Variants in SOX6 observed in about 807,000 individuals in gnomAD.
SOX6 encodes SRY-box transcription factor 6, also known as transcription factor SOX-6.
A neutral mutation model predicts 97.8 loss-of-function variants in SOX6; 11 were observed. The ratio of observed to expected loss-of-function variants is 0.11; its 90% CI spans 0.07 to 0.19. SOX6 has a LOEUF of 0.19. Ranked by LOEUF, SOX6 falls within the 10% of genes least tolerant of loss-of-function variation. The pLI is 1.00. For synonymous variants in SOX6, 360 were observed against 371.4 expected, an observed-to-expected ratio of 0.97 and a Z score of 0.35; for missense variants, 810 against 1,039.5, an observed-to-expected ratio of 0.78 and a Z score of 3.04.
intron 6 of SOX6, among the ~76,000 whole-genome samples, chr11:16,132,468 G>GAAAT (rs1849834891): frequency 7.0e-6 from 1 of 141,976 alleles, no homozygotes; most frequent in Non-Finnish European, 1.5e-5. Context: ...AAGAAAGAAA[G>GAAAT]AAAGAAAGAA....
chr11:16,225,917 TGA>T (rs1852674500), intron 4 of SOX6, among the ~76,000 whole-genome samples: 1 of 152,200 alleles, frequency 6.6e-6, no homozygotes, highest in Non-Finnish European at 1.5e-5. Flanking sequence ...TTGTACTATT[TGA>T]TGTATGCAGT....
At chr11:16,292,205 G>T (rs534784417) in intron 3 of SOX6, among the ~76,000 whole-genome samples, 1 of 152,204 alleles carries the variant, frequency 6.6e-6, no homozygotes, top group South Asian at 2.1e-4. Flanking sequence ...AAGAAGAACT[G>T]AAAGTATATT....
At chr11:16,461,789 C>A (rs1859934470) in intron 1 of SOX6, among the ~76,000 whole-genome samples, 1 of 152,162 alleles carries the variant, frequency 6.6e-6, no homozygotes, top group South Asian at 2.1e-4. Flanking sequence ...ATTCCATCTC[C>A]TCTCTTCTGT....
chr11:16,520,854 G>A (rs559599458), intron 4 of SOX6, among the ~76,000 whole-genome samples: 9 of 152,214 alleles, frequency 5.9e-5, no homozygotes, highest in Non-Finnish European at 1.2e-4. Context: ...AGGGTTCTAC[G>A]CCCACGGAGT....
chr11:16,580,160 T>C (rs1310328501), intron 4 of SOX6, among the ~76,000 whole-genome samples: 2 of 152,150 alleles, frequency 1.3e-5, no homozygotes, highest in Non-Finnish European at 2.9e-5. Context: ...CACAAACCTA[T>C]GGAATCTGAA....
chr11:16,496,599 A>G (rs2133137039), intron 4 of SOX6, among the ~76,000 whole-genome samples: 2 of 152,324 alleles, frequency 1.3e-5, no homozygotes, highest in Non-Finnish European at 2.9e-5. Flanking sequence ...CAACACCTGG[A>G]AAATTGGGTC....
intron 13 of SOX6, among the ~76,000 whole-genome samples, chr11:16,008,777 T>C (rs1204722995): frequency 6.6e-6 from 1 of 152,096 alleles, no homozygotes. Context: ...TATAAACTGG[T>C]GCACAGGATC....
intron 3 of SOX6, among the ~76,000 whole-genome samples, chr11:16,709,879 G>T (rs1590060181): frequency 6.6e-6 from 1 of 152,248 alleles, no homozygotes; most frequent in Non-Finnish European, 1.5e-5. Flanking sequence ...TCCAAAGAAT[G>T]AATATCTCAC....
rs139740169 is a variant in SOX6 at position 16,561,653 on chromosome 11, A to G, written n.609+50428T>C. Among the ~76,000 whole-genome samples the G allele has an allele frequency of 1.3e-3, 193 of 152,296 alleles. 3 individuals are homozygous for G. The highest frequency in any genetic ancestry group is 0.012 in the Admixed American group (176 of 15,280). The stretch of plus-strand genomic sequence containing the variant: ...TTATAGTTTATGGCAGGAGTTTTCA[A>G]TGTATGGTCATGAAACCTCCAGGGG... On this transcript the variant is annotated intron_variant and non_coding_transcript_variant, in intron 4 of 5. Coordinates refer to the SOX6 transcript ENST00000524520.
chr11:16,103,983 A>T (rs1849013297), intron 7 of SOX6, among the ~76,000 whole-genome samples: 1 of 150,276 alleles, frequency 6.7e-6, no homozygotes, highest in South Asian at 2.1e-4. Flanking sequence ...ACATTCAAAA[A>T]ATAAAACAAA....
intron 1 of SOX6, chr11:16,434,213 T>C (rs1859328269): frequency 6.6e-6 from 1 of 152,076 alleles, no homozygotes; most frequent in Non-Finnish European, 1.5e-5. Flanking sequence ...CTCTCAGTCA[T>C]CTTCCTCATA....
intron 3 of SOX6, among the ~76,000 whole-genome samples, chr11:16,622,602 T>C (rs535925992): frequency 6.6e-6 from 1 of 152,358 alleles, no homozygotes; most frequent in East Asian, 1.9e-4. Context: ...CATCATTTTA[T>C]TCCTTTTAAT....
chr11:16,062,553 A>C (rs1340021408), intron 9 of SOX6, among the ~76,000 whole-genome samples: 1 of 151,704 alleles, frequency 6.6e-6, no homozygotes, highest in Non-Finnish European at 1.5e-5. Flanking sequence ...TTAGGTGAAG[A>C]CTGTTTCAGC....
chr11:15,979,337 C>A (rs977535525), intron 15 of SOX6, among the ~76,000 whole-genome samples: 3 of 151,928 alleles, frequency 2.0e-5, no homozygotes, highest in African/African-American at 7.2e-5. Flanking sequence ...CCCTACAAAC[C>A]TGGAACAAAC....
At chr11:16,012,330 G>A (rs972114884) in intron 13 of SOX6, among the ~76,000 whole-genome samples, 2 of 152,032 alleles carry the variant, frequency 1.3e-5, no homozygotes, top group Non-Finnish European at 2.9e-5. Flanking sequence ...GAAGTCAGCA[G>A]AAGGCTGCTA....
At chr11:16,266,904 C>T (rs1854097701) in intron 3 of SOX6, among the ~76,000 whole-genome samples, 1 of 151,328 alleles carries the variant, frequency 6.6e-6, no homozygotes, top group South Asian at 2.1e-4. Context: ...TAAATACAAC[C>T]ATATCAAAGC....
intron 4 of SOX6, among the ~76,000 whole-genome samples, chr11:16,506,155 G>A (rs1001656739): frequency 6.6e-6 from 1 of 152,198 alleles, no homozygotes; most frequent in Non-Finnish European, 1.5e-5. Context: ...AAAAGCCACA[G>A]GCACTCAACA....
At chr11:16,736,338 C>T (rs1848391272) in intron 2 of SOX6, 1 of 152,206 alleles carries the variant, frequency 6.6e-6, no homozygotes, top group East Asian at 1.9e-4. Context: ...TTCATCCTTA[C>T]CTATAGCCTT....
chr11:16,074,347 A>C (rs1564939693), intron 9 of SOX6, among the ~76,000 whole-genome samples: 3 of 152,136 alleles, frequency 2.0e-5, no homozygotes, highest in African/African-American at 7.2e-5. Context: ...TTAGAAAAAA[A>C]CGGATAAATT....
Sources: allele counts gnomAD v4.1 joint callset (sites outside exome capture counted in the v4.1 genomes callset), GRCh38; gene constraint gnomAD v4.1.1; transcripts MANE v1.5; gene names NCBI Gene and HGNC (gene_info 2026-07-23, HGNC 2026-07-21).